The following KANK1 variants were observed in gnomAD, a reference collection of about 807,000 sequenced individuals.
The protein encoded by KANK1 is KN motif and ankyrin repeat domain-containing protein 1.
KANK1 carries 109 observed loss-of-function variants against 106.2 expected under a neutral mutation model. The observed-to-expected ratio is 1.03, with a 90% CI of 0.88 to 1.20. The LOEUF is 1.20. Among genes scored for constraint, KANK1 ranks in the 50% most tolerant of loss-of-function variants. The pLI is 0.00. For synonymous variants in KANK1, 873 were observed against 652.2 expected, an observed-to-expected ratio of 1.34 and a Z score of -5.16; for missense variants, 2,399 against 1,710.7, an observed-to-expected ratio of 1.40 and a Z score of -7.10.
At chr9:705,476 C>A (rs1823839000) in intron 2 of KANK1, among the ~76,000 whole-genome samples, 1 of 151,682 alleles carries the variant, frequency 6.6e-6, no homozygotes. Flanking sequence ...TTATGTTATA[C>A]TATATATTCA....
Position 711,866 on chromosome 9 carries a change from T to C in KANK1, c.1100T>C (p.Phe367Ser). 1 of 1,614,066 alleles carries C rather than the reference T, an allele frequency of 6.2e-7. No individual in the cohort carries two copies. Among genetic ancestry groups the C allele is most frequent in the Non-Finnish European group, 8.5e-7 (1 of 1,180,018 alleles). Residue 367 changes from phenylalanine (F) to serine (S), a missense_variant, in exon 3 of 12, where the codon TTC (phenylalanine) becomes TCC (serine). Transcript: ENST00000382297. ...VEQSTQRIKE[F>S]RQLTADMQAL... ...CAGAGCACGCAGAGGATAAAGGAGT[T>C]CCGGCAACTTACAGCAGACATGCAA...
chr9:615,094 C>T (rs1363402601), intron 1 of KANK1, among the ~76,000 whole-genome samples: 2 of 152,022 alleles, frequency 1.3e-5, no homozygotes, highest in Non-Finnish European at 2.9e-5. Flanking sequence ...TGTGCGCCAC[C>T]ATACCCAGCT....
At chr9:737,242 T>G (rs1834038467) in intron 7 of KANK1, among the ~76,000 whole-genome samples, 1 of 152,106 alleles carries the variant, frequency 6.6e-6, no homozygotes, top group South Asian at 2.1e-4. Flanking sequence ...AGGACACTCT[T>G]CAAGTGACCC....
chr9:487,733 A>C (rs562556227), intron 3 of KANK1: 1 of 152,324 alleles, frequency 6.6e-6, no homozygotes, highest in East Asian at 1.9e-4. Context: ...TGAAGTGTGG[A>C]TTGGAGTACT....
intron 1 of KANK1, among the ~76,000 whole-genome samples, chr9:642,593 T>A (rs1838722440): frequency 6.6e-6 from 1 of 150,968 alleles, no homozygotes; most frequent in Non-Finnish European, 1.5e-5. Context: ...AGATGGTTTA[T>A]ATTTTTTCTA....
chr9:645,635 A>G (rs1162567782), intron 1 of KANK1, among the ~76,000 whole-genome samples: 1 of 150,544 alleles, frequency 6.6e-6, no homozygotes, highest in Non-Finnish European at 1.5e-5. Context: ...TAATCCCAGC[A>G]CTTTGTGAGG....
At chr9:514,237 TC>T (rs2059179968) in intron 1 of KANK1, among the ~76,000 whole-genome samples, 1 of 65,426 alleles carries the variant, frequency 1.5e-5, no homozygotes, top group African/African-American at 1.3e-4. Context: ...CCTCCCTCCC[TC>T]CCTTCCTTCC....
At chr9:662,955 C>T (rs1277070714) in intron 1 of KANK1, among the ~76,000 whole-genome samples, 1 of 152,186 alleles carries the variant, frequency 6.6e-6, no homozygotes, top group East Asian at 1.9e-4. Context: ...AGCCACCACG[C>T]CAGGCCTAAA....
chr9:722,323 CTCTCTCTG>C (rs1829541700), intron 3 of KANK1, among the ~76,000 whole-genome samples: 1 of 152,114 alleles, frequency 6.6e-6, no homozygotes, highest in African/African-American at 2.4e-5. Flanking sequence ...TTCTCTCTCT[CTCTCTCTG>C]TCTCTCTGTC....
At chr9:544,406 G>A (rs1025197972) in intron 1 of KANK1, among the ~76,000 whole-genome samples, 25 of 152,190 alleles carry the variant, frequency 1.6e-4, no homozygotes, top group African/African-American at 5.8e-4. Flanking sequence ...CATCACTACC[G>A]CATCTGGTGC....
At chr9:521,661 G>T (rs1215240589) in intron 1 of KANK1, among the ~76,000 whole-genome samples, 1 of 150,258 alleles carries the variant, frequency 6.7e-6, no homozygotes, top group Admixed American at 6.6e-5. Flanking sequence ...CTGCCTTCTG[G>T]GTTCAAGCGA....
intron 3 of KANK1, among the ~76,000 whole-genome samples, chr9:483,018 C>T (rs4742040): frequency 2.6e-4 from 40 of 152,118 alleles, no homozygotes; most frequent in African/African-American, 8.7e-4. Context: ...GGTCAACTGT[C>T]GCAGCATCAC....
chr9:541,620 T>G (rs2060604024), intron 1 of KANK1, among the ~76,000 whole-genome samples: 1 of 151,942 alleles, frequency 6.6e-6, no homozygotes, highest in African/African-American at 2.4e-5. Flanking sequence ...ACAAATGGGA[T>G]TGTGTTAAAC....
At chr9:739,880 C>T (rs943888053) in intron 8 of KANK1, among the ~76,000 whole-genome samples, 4 of 151,858 alleles carry the variant, frequency 2.6e-5, no homozygotes, top group Non-Finnish European at 5.9e-5. Context: ...TGCTAAGGAG[C>T]CCCGAAGCGC....
At chr9:502,495 G>A (rs1176692719), upstream of KANK1, among the ~76,000 whole-genome samples, 3 of 151,742 alleles carry the variant, frequency 2.0e-5, no homozygotes, top group East Asian at 1.9e-4. Flanking sequence ...ATAAAGGAGA[G>A]GTGAAGGCTG....
At chr9:684,656 G>A (rs943208126) in intron 2 of KANK1, 1 of 848,622 alleles carries the variant, frequency 1.2e-6, no homozygotes, top group African/African-American at 1.8e-5. Context: ...CCCATCAAAG[G>A]TATAGCTCAT....
At chr9:592,333 G>A (rs1343758275) in intron 1 of KANK1, among the ~76,000 whole-genome samples, 2 of 151,826 alleles carry the variant, frequency 1.3e-5, no homozygotes, top group Admixed American at 6.6e-5. Context: ...AGGGAGCAGC[G>A]GGAAGCCGGG....
intron 1 of KANK1, among the ~76,000 whole-genome samples, chr9:517,103 TTG>T (rs1360796050): frequency 6.6e-6 from 1 of 151,058 alleles, no homozygotes; most frequent in African/African-American, 2.5e-5. Context: ...AGCAAGCTGT[TTG>T]TGTTTGTTTT....
chr9:725,484 A>G (rs1158589213), intron 3 of KANK1, among the ~76,000 whole-genome samples: 2 of 139,228 alleles, frequency 1.4e-5, no homozygotes, highest in Admixed American at 7.4e-5. Flanking sequence ...GTGACAGAGC[A>G]AGACTCTGTC....
Sources: gnomAD v4.1 joint callset for allele counts (sites outside exome capture counted in the v4.1 genomes callset) on GRCh38, gnomAD v4.1.1 for gene constraint, MANE v1.5 for transcripts, NCBI Gene and HGNC (gene_info 2026-07-23, HGNC 2026-07-21) for gene names.